Variants in CNTN5 observed in about 807,000 individuals in gnomAD.
CNTN5 encodes contactin 5.
CNTN5 carries 77 observed loss-of-function variants against 129.1 expected under a neutral mutation model. The observed-to-expected ratio is 0.60, with a 90% confidence interval of 0.50 to 0.72. CNTN5 has a LOEUF of 0.72. Ranked by LOEUF, CNTN5 falls within the 30% of genes least tolerant of loss-of-function variation. The pLI, the probability that CNTN5 is intolerant of heterozygous loss-of-function variation, is 0.00. For synonymous variants in CNTN5, 509 were observed against 465.6 expected, an observed-to-expected ratio of 1.09 and a Z score of -1.20; for missense variants, 1,478 against 1,328.8, an observed-to-expected ratio of 1.11 and a Z score of -1.75.
chr11:99,249,231 G>A (rs1187133936), intron 1 of CNTN5, among the ~76,000 whole-genome samples: 1 of 152,084 alleles, frequency 6.6e-6, no homozygotes, highest in Admixed American at 6.6e-5. Flanking sequence ...TGAAGCAATT[G>A]TGAATGGGAG....
intron 1 of CNTN5, among the ~76,000 whole-genome samples, chr11:99,266,849 G>A (rs1318358109): frequency 6.6e-6 from 1 of 152,002 alleles, no homozygotes; most frequent in Admixed American, 6.6e-5. Flanking sequence ...ATTTTCAGCA[G>A]AGACAGATAA....
intron 16 of CNTN5, among the ~76,000 whole-genome samples, chr11:100,239,477 A>G (rs1949691329): frequency 6.6e-6 from 1 of 152,170 alleles, no homozygotes. Flanking sequence ...ATGGAGCTAA[A>G]TCACAGTATT....
intron 1 of CNTN5, among the ~76,000 whole-genome samples, chr11:99,159,478 C>T (rs571154588): frequency 3.3e-5 from 5 of 152,108 alleles, no homozygotes; most frequent in South Asian, 2.1e-4. Context: ...AAAAAGTAGC[C>T]GGGCATAGTG....
chr11:100,354,427 T>C lies in CNTN5; in HGVS notation c.3200-1690T>C, dbSNP rs79014554. Among the ~76,000 whole-genome samples, 314 of 151,764 alleles carry C rather than the reference T, an allele frequency of 2.1e-3. 7 individuals carry two copies. The East Asian group carries it at 0.057, about 28-fold the overall frequency. ...ATTAGCTGCATACAATGTTTTTGTC[T>C]CATAAAAGATCCTCTCCTGGGTATA... On this transcript the variant is annotated intron_variant, in intron 24 of 24. Transcript: ENST00000524871.
Position 99,712,765 on chromosome 11 carries a change from G to GT in CNTN5, c.56-106773dup, listed in dbSNP as rs1365801348. On this transcript the variant is annotated intron_variant, in intron 3 of 24. Transcript: ENST00000524871. ...TTTCCCTATTGCTTGTTTTTGTCAC[G>GT]TTTTTTAAAGATCAGATGGTTCTTG... Among the ~76,000 whole-genome samples the GT allele has an allele frequency of 2.6e-5, 4 of 152,022 alleles. No homozygotes were observed. In the South Asian group the frequency reaches 6.2e-4, roughly 24 times the overall value.
chr11:99,504,984 A>G (rs1335095016), intron 2 of CNTN5, among the ~76,000 whole-genome samples: 1 of 152,160 alleles, frequency 6.6e-6, no homozygotes, highest in Admixed American at 6.5e-5. Context: ...GTCTTTGAAT[A>G]TTTTGCAGCC....
In CNTN5 at chr11:99,412,096, A is replaced by G. The variant is rs140073389; in HGVS notation, c.-71+86612A>G. 2.6e-4 allele frequency among the ~76,000 whole-genome samples: 39 copies of G among 152,328 alleles called. 1 individual carries two copies. The highest frequency in any genetic ancestry group is 8.3e-4 in the South Asian group (4 of 4,832). ...AAATTATCTCAAATTATATTGTATT[A>G]AGATGTATCATAGATATGTAACATT... On this transcript the variant is annotated intron_variant, in intron 2 of 24. Transcript: ENST00000524871.
chr11:99,592,447 G>A (rs954348884), intron 3 of CNTN5, among the ~76,000 whole-genome samples: 12 of 152,114 alleles, frequency 7.9e-5, no homozygotes, highest in African/African-American at 2.4e-4. Flanking sequence ...TGAGGAAGAC[G>A]TCAGCATATC....
intron 13 of CNTN5, among the ~76,000 whole-genome samples, chr11:100,163,808 T>C (rs1947534104): frequency 6.6e-6 from 1 of 151,910 alleles, no homozygotes; most frequent in Non-Finnish European, 1.5e-5. Context: ...TCCCTAAGGA[T>C]ATTTCTGAGT....
intron 21 of CNTN5, among the ~76,000 whole-genome samples, chr11:100,335,057 G>T (rs935967629): frequency 6.6e-6 from 1 of 151,682 alleles, no homozygotes; most frequent in Non-Finnish European, 1.5e-5. Context: ...TACTATTCTG[G>T]TGAAGGATTT....
chr11:99,415,336 A>G (rs1429216949), intron 2 of CNTN5, among the ~76,000 whole-genome samples: 1 of 152,066 alleles, frequency 6.6e-6, no homozygotes, highest in Non-Finnish European at 1.5e-5. Context: ...TGTGTGATCT[A>G]ATAGTAGTCT....
chr11:99,369,026 G>A (rs1447952628), intron 2 of CNTN5, among the ~76,000 whole-genome samples: 1 of 151,678 alleles, frequency 6.6e-6, no homozygotes, highest in Non-Finnish European at 1.5e-5. Context: ...TGGCACCCAT[G>A]GAAGTTAGAC....
intron 3 of CNTN5, among the ~76,000 whole-genome samples, chr11:99,579,504 A>C (rs1361779554): frequency 6.7e-6 from 1 of 149,482 alleles, no homozygotes; most frequent in Middle Eastern, 3.2e-3. Context: ...CTTTTATTTC[A>C]TTGAGCAGTG....
Position 100,074,199 on chromosome 11 carries a change from A to G in CNTN5, c.1485A>G (p.Lys495=), listed in dbSNP as rs1161837612. 6.2e-7 allele frequency: 1 copy of G among 1,612,630 alleles called. No individual in the cohort carries two copies. Among genetic ancestry groups the G allele is most frequent in the East Asian group, 2.2e-5 (1 of 44,744 alleles). ...NQLKKTIIVT[K]DQEVVIECKP... The stretch of plus-strand genomic sequence containing the variant: ...TGAAGAAAACAATAATTGTTACCAA[A>G]GACCAAGAAGTTGTCATAGAGTGCA... The change falls in exon 13 of 25, where the codon AAA becomes AAG. Residue 495 remains lysine, a synonymous_variant. Transcript: ENST00000524871.
intron 2 of CNTN5, among the ~76,000 whole-genome samples, chr11:99,517,486 C>G (rs948211825): frequency 1.3e-5 from 2 of 152,066 alleles, no homozygotes; most frequent in Non-Finnish European, 2.9e-5. Context: ...CAATCTGGTC[C>G]CTGCTCATCA....
At chr11:99,208,823 C>A (rs147312377) in intron 1 of CNTN5, among the ~76,000 whole-genome samples, 168 of 152,020 alleles carry the variant, frequency 1.1e-3, no homozygotes, top group African/African-American at 3.7e-3. Flanking sequence ...AAATGCAATT[C>A]CTTATTAAAT....
intron 2 of CNTN5, among the ~76,000 whole-genome samples, chr11:99,393,320 G>A (rs1030136845): frequency 2.6e-5 from 4 of 151,826 alleles, no homozygotes; most frequent in African/African-American, 7.2e-5. Flanking sequence ...AGCATGGATT[G>A]GAGACAGAAC....
chr11:99,924,503 T>C (rs1029362756), intron 7 of CNTN5, among the ~76,000 whole-genome samples: 5 of 150,166 alleles, frequency 3.3e-5, no homozygotes, highest in African/African-American at 9.8e-5. Context: ...GGGTATCCTT[T>C]CCCTATTGTT....
intron 3 of CNTN5, among the ~76,000 whole-genome samples, chr11:99,682,480 C>A (rs1447249518): frequency 6.6e-6 from 1 of 151,718 alleles, no homozygotes; most frequent in African/African-American, 2.4e-5. Context: ...CAAAAATAAT[C>A]CATAGAACAA....
Sources: gnomAD v4.1 joint callset for allele counts (sites outside exome capture counted in the v4.1 genomes callset) on GRCh38, gnomAD v4.1.1 for gene constraint, MANE v1.5 for transcripts, NCBI Gene and HGNC (gene_info 2026-07-23, HGNC 2026-07-21) for gene names.